The following ARPC1B variants were observed in gnomAD, a reference collection of about 807,000 sequenced individuals.
ARPC1B encodes actin related protein 2/3 complex subunit 1B, also known as actin-related protein 2/3 complex subunit 1B.
ARPC1B carries 29 observed loss-of-function variants against 46.0 expected under a neutral mutation model. The ratio of observed to expected loss-of-function variants is 0.63; its 90% CI spans 0.47 to 0.86. The LOEUF (loss-of-function observed/expected upper bound fraction) is 0.86, where lower values mean the gene tolerates loss of function less well. Ranked by LOEUF, ARPC1B falls within the 40% of genes least tolerant of loss-of-function variation. ARPC1B has a pLI of 0.00. For missense variants in ARPC1B, 469 were observed against 529.4 expected, an observed-to-expected ratio of 0.89 and a Z score of 1.12; for synonymous variants, 201 against 213.9, an observed-to-expected ratio of 0.94 and a Z score of 0.53.
intron 4 of ARPC1B, chr7:99,389,384 C>T (rs1794498586): frequency 6.5e-6 from 1 of 154,298 alleles, no homozygotes; most frequent in African/African-American, 2.4e-5. Context: ...AGGCCCAAAT[C>T]ATTTATTTAT....
At chr7:99,379,313 C>T (rs918948087) in intron 1 of ARPC1B, among the ~76,000 whole-genome samples, 3 of 152,094 alleles carry the variant, frequency 2.0e-5, no homozygotes, top group African/African-American at 4.8e-5. Flanking sequence ...CTTCACTCTG[C>T]GTGGTTGGTA....
At chr7:99,377,281 G>A (rs1166707194) in intron 1 of ARPC1B, 1 of 151,574 alleles carries the variant, frequency 6.6e-6, no homozygotes, top group Non-Finnish European at 1.5e-5. Context: ...TTACAGGCAT[G>A]AGCCTCCACG....
chr7:99,384,772 GT>G (rs1212436255), intron 1 of ARPC1B, among the ~76,000 whole-genome samples: 1 of 151,994 alleles, frequency 6.6e-6, no homozygotes, highest in East Asian at 1.9e-4. Context: ...TCTGAGCAGT[GT>G]GGGGGAAGAC....
intron 9 of ARPC1B, 110 bp from the exon 10 acceptor site, chr7:99,394,341 A>T: frequency 8.8e-7 from 1 of 1,136,186 alleles, no homozygotes; most frequent in Non-Finnish European, 1.3e-6. Context: ...CCAAAACTGC[A>T]GGTTCTCTGC....
chr7:99,382,203 C>T (rs1333451538), intron 1 of ARPC1B, among the ~76,000 whole-genome samples: 1 of 151,986 alleles, frequency 6.6e-6, no homozygotes, highest in African/African-American at 2.4e-5. Context: ...TTTAGGAGGC[C>T]GAGGCGGGCG....
chr7:99,383,424 T>C (rs1465242772), intron 1 of ARPC1B, among the ~76,000 whole-genome samples: 2 of 152,182 alleles, frequency 1.3e-5, no homozygotes, highest in African/African-American at 2.4e-5. Flanking sequence ...GCACCTACTA[T>C]GTGCTAAGCA....
rs1408247164 is a variant in ARPC1B at position 99,392,755 on chromosome 7, C to A, written c.868C>A (p.Gln290Lys). 18 of 1,549,640 alleles carry A rather than the reference C, an allele frequency of 1.2e-5. No individual in the cohort carries two copies. The highest frequency in any genetic ancestry group is 1.6e-5 in the Non-Finnish European group (18 of 1,146,622). Residue 290 changes from glutamine (Q) to lysine (K), a missense_variant, in exon 8 of 10, where the codon CAG becomes AAG. Physicochemically the swap from Gln to Lys is moderately conservative, Grantham distance 53 (BLOSUM62 1). Coordinates refer to ENST00000646101, the MANE Select transcript of ARPC1B (RefSeq NM_005720.4). ...SFGGRLDVPK[Q>K]SSQRGLTARE... ...CGGCGGGCGGCTGGACGTTCCTAAG[C>A]AGAGCTCGCAGCGTGGCTTGACGGC... is the stretch of plus-strand genomic sequence containing the variant.
Position 99,392,809 on chromosome 7 carries a change from A to G in ARPC1B, c.922A>G (p.Lys308Glu). 1.3e-6 allele frequency: 2 copies of G among 1,550,218 alleles called. No homozygotes were observed. The highest frequency in any genetic ancestry group is 8.7e-7 in the Non-Finnish European group (1 of 1,146,802). ...CGAGCGCTTCCAGAACCTGGACAAG[A>G]AGGCGAGCTCCGAGGGTGGCACGGC... ...ARERFQNLDK[K>E]ASSEGGTAAG... Residue 308 changes from lysine to glutamate, a missense_variant, in exon 8 of 10, where the codon AAG (lysine) becomes GAG (glutamate). Lys to Glu is a moderately conservative substitution (Grantham distance 56). Coordinates refer to ENST00000646101, the MANE Select transcript of ARPC1B (RefSeq NM_005720.4).
rs1225289953 is a variant in ARPC1B, at chr7:99,394,454, T to C, written c.1084T>C (p.Leu362=). 2 of 1,613,768 alleles carry C rather than the reference T, an allele frequency of 1.2e-6. No individual in the cohort carries two copies. Among genetic ancestry groups the C allele is most frequent in the Non-Finnish European group, 8.5e-7 (1 of 1,179,790 alleles). ...TGTCCGTTCTGCCTCCCTGCAGAGCTTGGAGTCAGCCTTGAAGGACCTCAA... is the reference window on the plus strand; with the variant it reads ...TGTCCGTTCTGCCTCCCTGCAGAGCCTGGAGTCAGCCTTGAAGGACCTCAA... The part of the protein sequence containing the change: ...GGMSIWDVKS[L]ESALKDLKIK Residue 362 remains leucine, a synonymous_variant, in exon 10 of 10, where the codon TTG becomes CTG. Coordinates refer to ENST00000646101, the MANE Select transcript of ARPC1B (RefSeq NM_005720.4).
intron 1 of ARPC1B, among the ~76,000 whole-genome samples, chr7:99,378,245 T>C (rs1687365260): frequency 6.7e-6 from 1 of 149,240 alleles, no homozygotes; most frequent in South Asian, 2.1e-4. Flanking sequence ...TTTTTTTTGG[T>C]AGTTTTTATA....
chr7:99,385,011 G>A (rs1794341600), intron 1 of ARPC1B, among the ~76,000 whole-genome samples: 1 of 136,758 alleles, frequency 7.3e-6, no homozygotes, highest in Admixed American at 7.8e-5. Flanking sequence ...TGTCGCCCAG[G>A]CTGGAGTGCA....
rs991205915 is a variant in ARPC1B, at chr7:99,383,686, G to A, written c.-13-2016G>A. On this transcript the variant is annotated intron_variant, in intron 1 of 9. Coordinates refer to ENST00000646101, the MANE Select transcript of ARPC1B (RefSeq NM_005720.4). ...CAGACTTGAGTGGCAGCACCAGAGC[G>A]AGAGCCGTGTGTGCCGGTATCTGGG... Among the ~76,000 whole-genome samples, 5 of 152,206 alleles carry A rather than the reference G, an allele frequency of 3.3e-5. No individual in the cohort carries two copies. In the South Asian group the frequency reaches 6.2e-4, roughly 19 times the overall value.
chr7:99,375,803 C>T (rs1245942951), intron 1 of ARPC1B, among the ~76,000 whole-genome samples: 4 of 152,186 alleles, frequency 2.6e-5, no homozygotes, highest in African/African-American at 9.7e-5. Flanking sequence ...TGGCTCATGC[C>T]TGTAATCCCA....
At chr7:99,375,849 G>C (rs1217725253) in intron 1 of ARPC1B, among the ~76,000 whole-genome samples, 1 of 152,102 alleles carries the variant, frequency 6.6e-6, no homozygotes, top group Non-Finnish European at 1.5e-5. Context: ...ATCACTTGAG[G>C]TCAGGAGTTC....
Position 99,390,042 on chromosome 7 carries a change from G to A in ARPC1B, c.500+30G>A, listed in dbSNP as rs1388531245. Reference sequence around the variant, plus strand: ...GACAGGGCGCCATGGGGGAGGGCGGGGCTGACGTCAACTGACTGCTGACAT... The same window carrying A: ...GACAGGGCGCCATGGGGGAGGGCGGAGCTGACGTCAACTGACTGCTGACAT... On this transcript the variant is annotated intron_variant, in intron 5 of 9. Transcript: ENST00000646101. 5 of 1,590,534 alleles carry A rather than the reference G, an allele frequency of 3.1e-6. No homozygotes were observed. In the South Asian group the frequency reaches 3.3e-5, roughly 11 times the overall value.
At chr7:99,390,097 A>G in intron 5 of ARPC1B, 85 bp downstream of exon 5, 1 of 1,244,308 alleles carries the variant, frequency 8.0e-7, no homozygotes, top group South Asian at 1.2e-5. Context: ...TGAAAGCTCT[A>G]CACCCCAGCT....
At chr7:99,386,464 G>C (rs1794394033) in intron 2 of ARPC1B, 1 of 634,926 alleles carries the variant, frequency 1.6e-6, no homozygotes, top group African/African-American at 1.8e-5. Flanking sequence ...GGTGGGGAGA[G>C]GTCCCAGGGT....
At position 99,391,086 on chromosome 7, in the gene ARPC1B, G is replaced by A. The variant is rs149569034; in HGVS notation, c.694G>A (p.Asp232Asn). ...CAGCACCGTCTGCCTGGCTGATGCCGACAAGAAGATGGCGTGAGTCGAGGC... is the reference window on the plus strand; with the variant it reads ...CAGCACCGTCTGCCTGGCTGATGCCAACAAGAAGATGGCGTGAGTCGAGGC... ...HDSTVCLADADKKMAVATLAS... is the reference protein window; with the variant it reads ...HDSTVCLADANKKMAVATLAS... Residue 232 changes from aspartate to asparagine, a missense_variant, in exon 6 of 10, where the codon GAC becomes AAC. Physicochemically the swap from Asp to Asn is conservative, Grantham distance 23. Transcript: ENST00000646101. 6.3e-5 allele frequency: 102 copies of A among 1,613,448 alleles called. No homozygotes were observed. The African/African-American group carries it at 1.0e-3, about 16-fold the overall frequency.
At chr7:99,374,521 T>A (rs891036113), upstream of ARPC1B, 18 of 152,142 alleles carry the variant, frequency 1.2e-4, no homozygotes, top group African/African-American at 4.3e-4. This position sits in a 1 kb window ranked among gnomAD's most constrained non-coding sequence, Gnocchi z 5.0. Flanking sequence ...GGTAAAGCAT[T>A]GACGGTGGTT....
Sources: allele counts gnomAD v4.1 joint callset (sites outside exome capture counted in the v4.1 genomes callset), GRCh38; gene constraint gnomAD v4.1.1; non-coding constraint Gnocchi (gnomAD v3.1); transcripts MANE v1.5; gene names NCBI Gene and HGNC (gene_info 2026-07-23, HGNC 2026-07-21).